MYH7: variants seen among roughly 807,000 people sequenced by gnomAD.
MYH7 encodes myosin-7.
MYH7 carries 129 observed loss-of-function variants against 225.4 expected under a neutral mutation model. That is an observed-to-expected ratio of 0.57 (90% CI 0.50 to 0.66). The LOEUF is 0.66. Among genes scored for constraint, MYH7 ranks in the 30% least tolerant of loss-of-function variants. MYH7 has a pLI of 0.00. For synonymous variants in MYH7, 971 were observed against 1,007.6 expected (o/e 0.96, Z 0.69); for missense variants, 1,649 against 2,517.0 (o/e 0.66, Z 7.38).
At position 23,429,795 on chromosome 14, in the gene MYH7, G is replaced by A. The variant is rs730880924; in HGVS notation, c.1118C>T (p.Ala373Val). Residue 373 changes from alanine (A) to valine (V), a missense_variant, in exon 12 of 40, where the codon GCG becomes GTG. This residue lies in a region of MYH7 where 131 missense variants were observed against 231.3 expected (regional missense o/e 0.57). Coordinates refer to ENST00000355349, the MANE Select transcript of MYH7 (RefSeq NM_000257.4). The part of the protein sequence containing the change: ...KFKLKQREEQ[A>V]EPDGTEEADK... ...CCCACCTTCAGTGCCGTCTGGCTCC[G>A]CCTGCTCCTCCCGCTGCTTCAGCTT... is the stretch of plus-strand genomic sequence containing the variant. 1.2e-6 allele frequency: 2 copies of A among 1,612,490 alleles called. No individual in the cohort carries two copies. Among genetic ancestry groups the A allele is most frequent in the Non-Finnish European group, 1.7e-6 (2 of 1,179,964 alleles).
At position 23,432,636 on chromosome 14, in the gene MYH7, C is replaced by T; in HGVS notation, c.502+3G>A. The T allele has an allele frequency of 6.2e-7, 1 of 1,614,176 alleles. No homozygotes were observed. The highest frequency in any genetic ancestry group is 8.5e-7 in the Non-Finnish European group (1 of 1,180,026). On this transcript the variant is annotated splice_donor_region_variant and intron_variant, in intron 5 of 39. Coordinates refer to ENST00000355349, the MANE Select transcript of MYH7 (RefSeq NM_000257.4). ...TCAGGAAGACCCTTCCAGGGCCTCT[C>T]ACCTGTCAGCATGTACTGATAGGCG...
At chr14:23,426,731 G>T in intron 18 of MYH7, 46 bp downstream of exon 18, 2 of 1,547,624 alleles carry the variant, frequency 1.3e-6, no homozygotes, top group Non-Finnish European at 1.8e-6. Flanking sequence ...CTGTTCCCAG[G>T]GCGGTGTATG....
At chr14:23,431,359 C>G in intron 9 of MYH7, 59 bp downstream of exon 9, 2 of 1,544,000 alleles carry the variant, frequency 1.3e-6, no homozygotes, top group Middle Eastern at 3.5e-4. Flanking sequence ...GAGGTCAAGA[C>G]CAGATGGTCT....
intron 4 of MYH7, 104 bp downstream of exon 4, chr14:23,432,980 T>G (rs1489237635): frequency 6.4e-7 from 1 of 1,564,926 alleles, no homozygotes; most frequent in East Asian, 2.3e-5. Context: ...GAGGTTAGAG[T>G]GTAACCCTGC....
At position 23,429,645 on chromosome 14, in the gene MYH7, C is replaced by T. The variant is rs1675968472; in HGVS notation, c.1138+130G>A. On this transcript the variant is annotated intron_variant, in intron 12 of 39. Coordinates refer to ENST00000355349, the MANE Select transcript of MYH7 (RefSeq NM_000257.4). ...GAGCCAAGATCGTGCCACTGCGCTC[C>T]AGCCTGGGCAACAGAGCAAGACTCC... 18 of 1,369,030 alleles carry T rather than the reference C, an allele frequency of 1.3e-5. No individual in the cohort carries two copies. The South Asian group carries it at 2.1e-4, about 16-fold the overall frequency. 84.8% of individuals were successfully genotyped at this position (1,369,030 alleles called of 1,614,324 possible).
rs886039030 is a variant in MYH7 at position 23,426,045 on chromosome 14, C to T, written c.2081G>A (p.Arg694His). The part of the protein sequence containing the change: ...MDNPLVMHQL[R>H]CNGVLEGIRI... ...GATGCCCTCCAGCACACCATTGCAG[C>T]GCAGCTGGTGCATGACCAGGGGGTT... Residue 694 changes from arginine (R) to histidine (H), a missense_variant, in exon 19 of 40, where the codon CGC (arginine) becomes CAC (histidine). Transcript: ENST00000355349. 3.7e-6 allele frequency: 6 copies of T among 1,614,092 alleles called. No homozygotes were observed. In the African/African-American group the frequency reaches 4.0e-5, roughly 11 times the overall value.
Position 23,419,528 on chromosome 14 carries a change from C to A in MYH7, c.3808G>T (p.Val1270Phe). 2 of 1,614,068 alleles carry A rather than the reference C, an allele frequency of 1.2e-6. No individual in the cohort carries two copies. The highest frequency in any genetic ancestry group is 1.7e-6 in the Non-Finnish European group (2 of 1,180,022). ...RSKAEETQRS[V>F]NDLTSQRAKL... ...GCCCGCTGGCTGGTGAGGTCGTTGA[C>A]AGAACGCTGGGTCTCCTCCGCCTTG... The change falls in exon 28 of 40, where the codon GTC becomes TTC. Residue 1270 changes from valine (V) to phenylalanine (F), a missense_variant. Physicochemically the swap from Val to Phe is conservative, Grantham distance 50. Around this residue, in one of 12 missense-constraint regions of MYH7, gnomAD observed 687 missense variants for 913.8 expected, o/e 0.75. Coordinates refer to ENST00000355349, the MANE Select transcript of MYH7 (RefSeq NM_000257.4).
chr14:23,425,912 G>C lies in MYH7; in HGVS notation c.2162+52C>G. 1 of 1,612,882 alleles carries C rather than the reference G, an allele frequency of 6.2e-7. No individual in the cohort carries two copies. The highest frequency in any genetic ancestry group is 1.1e-5 in the South Asian group (1 of 91,020). Reference sequence around the variant, plus strand: ...TCACCTGCAGATCCCATTCCCATCAGGGCAGCCTGGCTCCCCCTGTTCTAT... The same window carrying C: ...TCACCTGCAGATCCCATTCCCATCACGGCAGCCTGGCTCCCCCTGTTCTAT... On this transcript the variant is annotated intron_variant, in intron 19 of 39. Transcript: ENST00000355349. This position sits in a 1 kb window ranked among gnomAD's most constrained non-coding sequence, Gnocchi z 4.6.
rs915005545 is a variant in MYH7, at chr14:23,413,988, C to T, written c.5655+19G>A. Reference sequence around the variant, plus strand: ...CTCCTATGCCTCCCCTGGGCCTAGTCCCCAGCAGGGTCACTCACCGCCTCC... The same window carrying T: ...CTCCTATGCCTCCCCTGGGCCTAGTTCCCAGCAGGGTCACTCACCGCCTCC... On this transcript the variant is annotated intron_variant, in intron 38 of 39. Transcript: ENST00000355349. The T allele has an allele frequency of 3.7e-6, 6 of 1,613,972 alleles. No individual in the cohort carries two copies. In the African/African-American group the frequency reaches 6.7e-5, roughly 18 times the overall value.
At chr14:23,423,746 C>G in intron 23 of MYH7, 23 bp from the exon 24 acceptor site, 3 of 1,613,968 alleles carry the variant, frequency 1.9e-6, no homozygotes, top group Non-Finnish European at 2.5e-6. Context: ...AATCCCATCT[C>G]CTTTAGGGTC....
intron 15 of MYH7, among the ~76,000 whole-genome samples, 173 bp downstream of exon 15, chr14:23,428,327 G>T (rs545357305): frequency 1.7e-4 from 26 of 152,266 alleles, no homozygotes; most frequent in African/African-American, 6.0e-4. Context: ...AGCTGTCCCT[G>T]GTGCCACCCT....
In MYH7 at chr14:23,430,468, C is replaced by G. The variant is rs560444797; in HGVS notation, c.999+92G>C. The G allele has an allele frequency of 1.9e-5, 20 of 1,034,704 alleles. No individual in the cohort carries two copies. The East Asian group carries it at 4.6e-4, about 24-fold the overall frequency. The allele number at this position is 1,034,704 out of a possible 1,614,324, so 64.1% of individuals were successfully genotyped here. A position where few individuals can be genotyped will look rare whatever the true frequency, so the allele number is the denominator to read the frequency against. On this transcript the variant is annotated intron_variant, in intron 11 of 39. Transcript: ENST00000355349. ...AGGAGGTCCATACCACTTTAAACAA[C>G]CAATGGCCAGCGTCTTAGCTCTGCT...
intron 10 of MYH7, 40 bp downstream of exon 10, chr14:23,430,861 C>T: frequency 6.7e-7 from 1 of 1,489,638 alleles, no homozygotes; most frequent in Non-Finnish European, 9.4e-7. Context: ...GACCAGGTTG[C>T]CATGGAGATA....
In MYH7 at chr14:23,416,275, G is replaced by T; in HGVS notation, c.4682C>A (p.Ala1561Asp). 1 of 1,613,084 alleles carries T rather than the reference G, an allele frequency of 6.2e-7. No individual in the cohort carries two copies. The highest frequency in any genetic ancestry group is 8.5e-7 in the Non-Finnish European group (1 of 1,179,334). The change falls in exon 34 of 40, where the codon GCC (alanine) becomes GAC (aspartate). Residue 1561 changes from alanine (A) to aspartate (D), a missense_variant. Ala to Asp is a moderately radical substitution (Grantham distance 126). Around this residue, in one of 12 missense-constraint regions of MYH7, gnomAD observed 687 missense variants for 913.8 expected, o/e 0.75. Coordinates refer to ENST00000355349, the MANE Select transcript of MYH7 (RefSeq NM_000257.4). ...LEHEEGKILR[A>D]QLEFNQIKAE... ...CTTGATCTGGTTGAACTCCAGCTGG[G>T]CCCGGAGGATCTTGCCCTCCTCGTG...
chr14:23,435,364 CCACACACACACA>C (rs3138591), intron 1 of MYH7, among the ~76,000 whole-genome samples: 1 of 147,548 alleles, frequency 6.8e-6, no homozygotes, highest in African/African-American at 2.5e-5. Flanking sequence ...GCAGGCTTGT[CCACACACACACA>C]CACACACACA....
In MYH7 at chr14:23,416,093, G is replaced by A. The variant is rs397516231; in HGVS notation, c.4864C>T (p.Leu1622Phe). ...CTGAGCTGGATCTCCATCTCATTGAGGTCTCCTTCCATCTTCTTCTTCACC... is the reference window on the plus strand; with the variant it reads ...CTGAGCTGGATCTCCATCTCATTGAAGTCTCCTTCCATCTTCTTCTTCACC... ...LRVKKKMEGD[L>F]NEMEIQLSHA... The change falls in exon 34 of 40, where the codon CTC (leucine) becomes TTC (phenylalanine). Residue 1622 changes from leucine (L) to phenylalanine (F), a missense_variant. By Grantham distance (22) the Leu-to-Phe change is conservative. Coordinates refer to ENST00000355349, the MANE Select transcript of MYH7 (RefSeq NM_000257.4). 4.3e-6 allele frequency: 7 copies of A among 1,614,098 alleles called. No homozygotes were observed. In the African/African-American group the frequency reaches 8.0e-5, roughly 18 times the overall value.
At position 23,424,149 on chromosome 14, in the gene MYH7, C is replaced by T. The variant is rs2138664054; in HGVS notation, c.2680G>A (p.Glu894Lys). The T allele has an allele frequency of 1.2e-6, 2 of 1,614,066 alleles. No homozygotes were observed. The highest frequency in any genetic ancestry group is 2.2e-5 in the East Asian group (1 of 44,880). ...TCAGCATCTGCCAGGTTGTCTTGTTCCTGAAGGTGAGGAACAGAGGGGAGG... is the reference window on the plus strand; with the variant it reads ...TCAGCATCTGCCAGGTTGTCTTGTTTCTGAAGGTGAGGAACAGAGGGGAGG... ...KNDLQLQVQA[E>K]QDNLADAEER... The change falls in exon 23 of 40, where the codon GAA becomes AAA. Residue 894 changes from glutamate (E) to lysine (K), a missense_variant and splice_region_variant. Physicochemically the swap from Glu to Lys is moderately conservative, Grantham distance 56. Transcript: ENST00000355349.
At position 23,415,552 on chromosome 14, in the gene MYH7, C is replaced by T. The variant is rs1892159996; in HGVS notation, c.5158-46G>A. 1.9e-6 allele frequency: 3 copies of T among 1,614,072 alleles called. No homozygotes were observed. Among genetic ancestry groups the T allele is most frequent in the Non-Finnish European group, 2.5e-6 (3 of 1,180,034 alleles). The stretch of plus-strand genomic sequence containing the variant: ...GCAGAGCAGGAAAAGCATTGAGCAT[C>T]TATGCATAGCTCTCAAGCCTTGCTT... On this transcript the variant is annotated intron_variant, in intron 35 of 39. Transcript: ENST00000355349. The surrounding 1 kb of genome is among the most constrained non-coding windows in gnomAD (Gnocchi z 6.3).
rs755386220 is a variant in MYH7, at chr14:23,419,558, G to A, written c.3778C>T (p.Arg1260Trp). ...RTLEDQMNEHRSKAEETQRSV... is the reference protein window; with the variant it reads ...RTLEDQMNEHWSKAEETQRSV... ...CGCTGGGTCTCCTCCGCCTTGCTCC[G>A]GTGCTCATTCATCTGGTCTTCCAAG... Residue 1260 changes from arginine to tryptophan, a missense_variant, in exon 28 of 40, where the codon CGG (arginine) becomes TGG (tryptophan). Around this residue, in one of 12 missense-constraint regions of MYH7, gnomAD observed 687 missense variants for 913.8 expected, o/e 0.75. Coordinates refer to ENST00000355349, the MANE Select transcript of MYH7 (RefSeq NM_000257.4). 1.1e-5 allele frequency: 17 copies of A among 1,613,902 alleles called. No individual in the cohort carries two copies. The Admixed American group carries it at 1.7e-4, about 16-fold the overall frequency.
Sources: gnomAD v4.1 joint callset for allele counts (sites outside exome capture counted in the v4.1 genomes callset) on GRCh38, gnomAD v4.1.1 for gene constraint, gnomAD v4.1.1 regional missense constraint, Gnocchi (gnomAD v3.1) non-coding constraint, MANE v1.5 for transcripts, NCBI Gene and HGNC (gene_info 2026-07-23, HGNC 2026-07-21) for gene names.